The following ABCA3 variants were observed in gnomAD, a reference collection of about 807,000 sequenced individuals.
ABCA3 encodes phospholipid-transporting ATPase ABCA3.
Under a neutral mutation model 172.8 loss-of-function variants are expected in ABCA3, and 88 were observed. That is an observed-to-expected ratio of 0.51 (90% CI 0.43 to 0.61). The LOEUF is 0.61. ABCA3 is among the 20% of genes least tolerant of loss of function. The probability of loss-of-function intolerance (pLI) is 0.00; values close to 1 mark genes in which losing one functional copy is unlikely to be tolerated. For synonymous variants in ABCA3, 1,066 were observed against 983.8 expected (o/e 1.08, Z -1.56); for missense variants, 2,164 against 2,301.0 (o/e 0.94, Z 1.22).
At chr16:2,291,971 G>T (rs1281399074) in intron 19 of ABCA3, among the ~76,000 whole-genome samples, 169 bp downstream of exon 19, 1 of 152,140 alleles carries the variant, frequency 6.6e-6, no homozygotes, top group South Asian at 2.1e-4. Context: ...TACTCGGGAG[G>T]CTGAGGCAGG....
intron 1 of ABCA3, among the ~76,000 whole-genome samples, chr16:2,338,335 C>T (rs1386175220): frequency 6.6e-6 from 1 of 152,204 alleles, no homozygotes; most frequent in Non-Finnish European, 1.5e-5. Flanking sequence ...GTTTTGTCTG[C>T]CTAGAATATC....
At position 2,324,498 on chromosome 16, in the gene ABCA3, T is replaced by C; in HGVS notation, c.353A>G (p.Asp118Gly). 1 of 1,610,336 alleles carries C rather than the reference T, an allele frequency of 6.2e-7. No homozygotes were observed. The highest frequency in any genetic ancestry group is 8.5e-7 in the Non-Finnish European group (1 of 1,179,844). ...RGFPSEKDFE[D>G]YIRYDNCSSS... ...CGAGCAGTTGTCGTACCTAATGTAG[T>C]CCTCAAAGTCCTTCTCGGAGGGAAA... Residue 118 changes from aspartate (D) to glycine (G), a missense_variant, in exon 6 of 33, where the codon GAC (aspartate) becomes GGC (glycine). Physicochemically the swap from Asp to Gly is moderately conservative, Grantham distance 94. Transcript: ENST00000301732.
In ABCA3 at chr16:2,297,723, C is replaced by T. The variant is rs374094823; in HGVS notation, c.2052+43G>A. 47 of 1,604,534 alleles carry T rather than the reference C, an allele frequency of 2.9e-5. No homozygotes were observed. The highest frequency in any genetic ancestry group is 4.3e-4 in the Middle Eastern group (2 of 4,668). ...CCATGGCGGAAGGGCCATCCCAGGT[C>T]GAGCAGGAGGGGAACCCACTGCCTC... On this transcript the variant is annotated intron_variant, in intron 16 of 32. Transcript: ENST00000301732. The surrounding 1 kb of genome is among the most constrained non-coding windows in gnomAD (Gnocchi z 5.6).
chr16:2,339,802 A>G (rs2093757611), intron 1 of ABCA3, among the ~76,000 whole-genome samples: 1 of 152,248 alleles, frequency 6.6e-6, no homozygotes, highest in African/African-American at 2.4e-5. Context: ...ACAGACACCA[A>G]GCGCCTTCCC....
intron 10 of ABCA3, among the ~76,000 whole-genome samples, chr16:2,312,680 G>C (rs1279249730): frequency 2.0e-5 from 3 of 151,600 alleles, no homozygotes; most frequent in African/African-American, 7.3e-5. Flanking sequence ...AAGTGCCCAC[G>C]ACCACGCCCA....
chr16:2,285,353 G>T lies in ABCA3; in HGVS notation c.3483+89C>A. On this transcript the variant is annotated intron_variant, in intron 23 of 32. Coordinates refer to ENST00000301732, the MANE Select transcript of ABCA3 (RefSeq NM_001089.3). This position sits in a 1 kb window ranked among gnomAD's most constrained non-coding sequence, Gnocchi z 4.7. ...GGGCCGAGCTGCCGGCCTAGGGGCT[G>T]CCCAGCTGGTTCCGGTTCTGCACAG... The T allele has an allele frequency of 2.0e-6, 3 of 1,485,158 alleles. No homozygotes were observed. Among genetic ancestry groups the T allele is most frequent in the East Asian group, 2.5e-5 (1 of 40,696 alleles). 92.0% of individuals were successfully genotyped at this position (1,485,158 alleles called of 1,614,324 possible).
intron 1 of ABCA3, among the ~76,000 whole-genome samples, chr16:2,335,283 G>GA (rs929266039): frequency 9.2e-5 from 14 of 152,074 alleles, no homozygotes; most frequent in African/African-American, 3.4e-4. Flanking sequence ...TTAAAAATGT[G>GA]AAAAAAATGG....
In ABCA3 at chr16:2,287,607, A is replaced by G. The variant is rs1449245704; in HGVS notation, c.3004+419T>C. ...ACTGTGAGTTTTAAGATGTTGAAAG[A>G]AAACACCCTGTCACACGAAGGCACA... On this transcript the variant is annotated intron_variant, in intron 21 of 32. Coordinates refer to ENST00000301732, the MANE Select transcript of ABCA3 (RefSeq NM_001089.3). This position sits in a 1 kb window ranked among gnomAD's most constrained non-coding sequence, Gnocchi z 4.1. Among the ~76,000 whole-genome samples the G allele has an allele frequency of 1.3e-5, 2 of 152,198 alleles. No homozygotes were observed. Among genetic ancestry groups the G allele is most frequent in the Non-Finnish European group, 2.9e-5 (2 of 68,038 alleles).
chr16:2,294,149 C>T (rs544628562), intron 18 of ABCA3, among the ~76,000 whole-genome samples: 1 of 150,816 alleles, frequency 6.6e-6, no homozygotes, highest in East Asian at 2.0e-4. Context: ...TCCTGAGTAG[C>T]TGGGATTACA....
chr16:2,317,714 C>A lies in ABCA3; in HGVS notation c.924G>T (p.Trp308Cys). The change falls in exon 9 of 33, where the codon TGG becomes TGT. Residue 308 changes from tryptophan (W) to cysteine (C), a missense_variant. This residue lies in a region of ABCA3 where 1,343 missense variants were observed against 1,369.6 expected (regional missense o/e 0.98). Coordinates refer to ENST00000301732, the MANE Select transcript of ABCA3 (RefSeq NM_001089.3). ...GLSSWLHWSA[W>C]FLLFFLFLLI... ...GGAGGAAGAGGAAGAACAAGAGGAA[C>A]CAGGCACTCCAGTGCAGCCAGCTGC... is the stretch of plus-strand genomic sequence containing the variant. 2 of 1,614,250 alleles carry A rather than the reference C, an allele frequency of 1.2e-6. No individual in the cohort carries two copies. The highest frequency in any genetic ancestry group is 1.7e-6 in the Non-Finnish European group (2 of 1,180,042).
chr16:2,328,338 T>C, intron 3 of ABCA3, 115 bp downstream of exon 3: 1 of 336,958 alleles, frequency 3.0e-6, no homozygotes. Context: ...GAGACCAGCC[T>C]GGGCAACATA....
In ABCA3 at chr16:2,281,506, C is replaced by G. The variant is rs1212170652; in HGVS notation, c.4039G>C (p.Glu1347Gln). The G allele has an allele frequency of 6.4e-7, 1 of 1,552,498 alleles. No homozygotes were observed. The highest frequency in any genetic ancestry group is 2.5e-5 in the East Asian group (1 of 40,118). Residue 1347 changes from glutamate to glutamine, a missense_variant, in exon 27 of 33, where the codon GAA (glutamate) becomes CAA (glutamine). Coordinates refer to ENST00000301732, the MANE Select transcript of ABCA3 (RefSeq NM_001089.3). This position sits in a 1 kb window ranked among gnomAD's most constrained non-coding sequence, Gnocchi z 4.7. ...AGCACAGGCATCCGGGTGTATAATT[C>G]TGTCTGATTGACCAGGACAAAGACC... ...CALRRRRTLTELYTRMPVLPE... is the reference protein window; with the variant it reads ...CALRRRRTLTQLYTRMPVLPE...
rs778504757 is a variant in ABCA3, at chr16:2,319,815, G to T, written c.639C>A (p.Ala213=). Residue 213 remains alanine (A), a synonymous_variant, in exon 8 of 33, where the codon GCC becomes GCA. Coordinates refer to ENST00000301732, the MANE Select transcript of ABCA3 (RefSeq NM_001089.3). ...TGGCCCGGTCCACAGCATGCTGCAC[G>T]GCCAGGAAGCCTTCCCGGATGTACC... ...EPGYIREGFL[A]VQHAVDRAIM... 2.5e-5 allele frequency: 40 copies of T among 1,613,804 alleles called. No individual in the cohort carries two copies. The Admixed American group carries it at 6.5e-4, about 26-fold the overall frequency.
Position 2,286,278 on chromosome 16 carries a change from C to T in ABCA3, c.3278+416G>A, listed in dbSNP as rs927012174. ...CCCACACAATGGCATGGCAGGCTCC[C>T]GACGTGCGGCCATCTGAGGAACAGG... On this transcript the variant is annotated intron_variant, in intron 22 of 32. Transcript: ENST00000301732. This position sits in a 1 kb window ranked among gnomAD's most constrained non-coding sequence, Gnocchi z 5.2. Among the ~76,000 whole-genome samples, 3 of 152,154 alleles carry T rather than the reference C, an allele frequency of 2.0e-5. No individual in the cohort carries two copies. The highest frequency in any genetic ancestry group is 6.5e-5 in the Admixed American group (1 of 15,282).
At chr16:2,319,462 G>C (rs1354853028) in intron 8 of ABCA3, 119 bp downstream of exon 8, 2 of 1,370,492 alleles carry the variant, frequency 1.5e-6, no homozygotes, top group Non-Finnish European at 1.9e-6. Context: ...TCCAGCCTGG[G>C]CGACAGAGCG....
chr16:2,292,208 C>A lies in ABCA3; in HGVS notation c.2445G>T (p.Lys815Asn). 6.2e-7 allele frequency: 1 copy of A among 1,613,986 alleles called. No individual in the cohort carries two copies. The highest frequency in any genetic ancestry group is 8.5e-7 in the Non-Finnish European group (1 of 1,179,912). The change falls in exon 19 of 33, where the codon AAG becomes AAT. Residue 815 changes from lysine to asparagine, a missense_variant. Physicochemically the swap from Lys to Asn is moderately conservative, Grantham distance 94. This residue lies in a region of ABCA3 where 1,343 missense variants were observed against 1,369.6 expected (regional missense o/e 0.98). Transcript: ENST00000301732. ...TGGCAATGCCCAGCTCTTTCTGCTT[C>A]TTCTCCAGTTTAGCAAAGAGACCTT... ...RFEGLFAKLEKKQKELGIASF... is the reference protein window; with the variant it reads ...RFEGLFAKLENKQKELGIASF...
At chr16:2,315,484 C>T (rs2093713777) in intron 10 of ABCA3, among the ~76,000 whole-genome samples, 4 of 152,120 alleles carry the variant, frequency 2.6e-5, no homozygotes, top group Admixed American at 2.6e-4. Context: ...AAAATACAGA[C>T]ACCTTTGGAC....
chr16:2,289,181 G>T (rs2093667920), intron 20 of ABCA3: 1 of 562,336 alleles, frequency 1.8e-6, no homozygotes, highest in African/African-American at 1.9e-5. Flanking sequence ...ACACAGAGCT[G>T]GGCACCCGAC....
At chr16:2,306,412 A>T (rs1402342657) in intron 11 of ABCA3, among the ~76,000 whole-genome samples, 1 of 152,250 alleles carries the variant, frequency 6.6e-6, no homozygotes, top group African/African-American at 2.4e-5. Context: ...GATATGTAAA[A>T]GCTAAAGTGT....
Sources: gnomAD v4.1 joint callset for allele counts (sites outside exome capture counted in the v4.1 genomes callset) on GRCh38, gnomAD v4.1.1 for gene constraint, gnomAD v4.1.1 regional missense constraint, Gnocchi (gnomAD v3.1) non-coding constraint, MANE v1.5 for transcripts, NCBI Gene and HGNC (gene_info 2026-07-23, HGNC 2026-07-21) for gene names.